SNX29: variants seen among roughly 807,000 people sequenced by gnomAD.
The protein encoded by SNX29 is sorting nexin-29.
In SNX29, 78 loss-of-function variants were observed where a neutral mutation model predicts 102.1. The ratio of observed to expected loss-of-function variants is 0.76; its 90% confidence interval spans 0.64 to 0.92. The LOEUF (loss-of-function observed/expected upper bound fraction) is 0.92. Among genes scored for constraint, SNX29 ranks in the 40% least tolerant of loss-of-function variants. SNX29 has a pLI of 0.00. For synonymous variants in SNX29, 580 were observed against 414.5 expected, an observed-to-expected ratio of 1.40 and a Z score of -4.85; for missense variants, 1,280 against 1,061.7, an observed-to-expected ratio of 1.21 and a Z score of -2.86.
intron 19 of SNX29, 25 bp from the exon 20 acceptor site, chr16:12,524,677 G>A (rs2151956797): frequency 6.2e-7 from 1 of 1,610,706 alleles, no homozygotes. Flanking sequence ...ACGTACCAAA[G>A]CGAAGATGTT....
intron 20 of SNX29, among the ~76,000 whole-genome samples, chr16:12,564,161 G>A (rs2078889154): frequency 6.6e-6 from 1 of 152,168 alleles, no homozygotes; most frequent in Non-Finnish European, 1.5e-5. Context: ...GCCTGAGGTA[G>A]AGGATTGCTT....
chr16:12,539,827 T>C (rs140124117), intron 20 of SNX29, among the ~76,000 whole-genome samples: 1 of 152,238 alleles, frequency 6.6e-6, no homozygotes, highest in African/African-American at 2.4e-5. Flanking sequence ...CTTTAACACA[T>C]CCTCTTTGGG....
chr16:12,031,511 T>TA (rs959182837), intron 4 of SNX29, among the ~76,000 whole-genome samples: 7 of 147,644 alleles, frequency 4.7e-5, no homozygotes, highest in Admixed American at 1.4e-4. Context: ...TATTCTCTCT[T>TA]AAAAAAAAAA....
chr16:12,080,933 C>T (rs1250594841), intron 11 of SNX29, among the ~76,000 whole-genome samples: 1 of 152,152 alleles, frequency 6.6e-6, no homozygotes, highest in Non-Finnish European at 1.5e-5. Context: ...CTGCCGGTCT[C>T]AGCCTCCCAA....
chr16:12,335,363 A>T (rs2081415331), intron 15 of SNX29, among the ~76,000 whole-genome samples: 1 of 152,082 alleles, frequency 6.6e-6, no homozygotes, highest in Non-Finnish European at 1.5e-5. Flanking sequence ...CAAATCAGTG[A>T]TGTTTAGTGG....
chr16:12,536,330 A>G (rs7189979), intron 20 of SNX29, among the ~76,000 whole-genome samples: 2 of 151,996 alleles, frequency 1.3e-5, no homozygotes, highest in Admixed American at 6.6e-5. Context: ...TTACTAATGC[A>G]GCAGGAAACA....
intron 13 of SNX29, among the ~76,000 whole-genome samples, chr16:12,155,406 TGA>T (rs1345138721): frequency 2.0e-5 from 3 of 152,234 alleles, no homozygotes; most frequent in African/African-American, 7.2e-5. Flanking sequence ...TTTCTCTTCT[TGA>T]GAGCACGGGG....
intron 19 of SNX29, among the ~76,000 whole-genome samples, chr16:12,491,324 C>G (rs982165603): frequency 6.6e-6 from 1 of 152,206 alleles, no homozygotes; most frequent in Non-Finnish European, 1.5e-5. Flanking sequence ...TGCTTGTCAT[C>G]AACTTGCCTA....
At chr16:12,564,934 TAAAAAAAAA>T (rs6145751) in intron 20 of SNX29, among the ~76,000 whole-genome samples, 34,354 of 144,946 alleles carry the variant, frequency 0.24, 4,193 homozygotes, top group East Asian at 0.44. Context: ...ACCTTGGTGT[TAAAAAAAAA>T]AAAAAAAAGG....
intron 16 of SNX29, among the ~76,000 whole-genome samples, chr16:12,387,336 C>A (rs141372336): frequency 6.6e-6 from 1 of 152,040 alleles, no homozygotes; most frequent in Non-Finnish European, 1.5e-5. Context: ...CCCCATTCTT[C>A]CCAGGGCTGC....
intron 14 of SNX29, among the ~76,000 whole-genome samples, chr16:12,205,599 G>A (rs1017908112): frequency 2.0e-5 from 3 of 152,152 alleles, no homozygotes; most frequent in African/African-American, 4.8e-5. Context: ...ATGCAGGGAC[G>A]CTCTTCCCTG....
At chr16:12,417,511 C>G (rs1003066171) in intron 18 of SNX29, among the ~76,000 whole-genome samples, 13 of 152,112 alleles carry the variant, frequency 8.5e-5, no homozygotes, top group Admixed American at 4.6e-4. Context: ...CTTTGCTCCC[C>G]GCTTTGCACA....
At chr16:12,542,974 T>G (rs563561954) in intron 20 of SNX29, among the ~76,000 whole-genome samples, 2 of 152,134 alleles carry the variant, frequency 1.3e-5, no homozygotes, top group African/African-American at 2.4e-5. Context: ...AAGTACTTAC[T>G]ACTCCTGTAA....
chr16:12,496,477 C>T lies in SNX29; in HGVS notation c.2178+18618C>T, dbSNP rs551207431. Among the ~76,000 whole-genome samples, 7 of 149,854 alleles carry T rather than the reference C, an allele frequency of 4.7e-5. No homozygotes were observed. The East Asian group carries it at 1.4e-3, about 29-fold the overall frequency. Reference sequence around the variant, plus strand: ...CATGGTCCCAAGTCACCAGCCTGCCCTGCTTCTCACACCTCCTTGGCTCTC... The same window carrying T: ...CATGGTCCCAAGTCACCAGCCTGCCTTGCTTCTCACACCTCCTTGGCTCTC... On this transcript the variant is annotated intron_variant, in intron 19 of 20. Transcript: ENST00000566228.
At chr16:12,561,117 C>T in intron 20 of SNX29, 1 of 227,762 alleles carries the variant, frequency 4.4e-6, no homozygotes, top group East Asian at 6.3e-5. Flanking sequence ...ACGGGGCACC[C>T]ATCACGCAGT....
At chr16:12,467,623 A>AGTTC (rs958114572) in intron 18 of SNX29, among the ~76,000 whole-genome samples, 1,684 of 150,298 alleles carry the variant, frequency 0.011, 17 homozygotes, top group African/African-American at 0.024. Flanking sequence ...TTCGTTCGTT[A>AGTTC]GTTCGTTCGT....
intron 16 of SNX29, among the ~76,000 whole-genome samples, chr16:12,394,562 T>C (rs1023548054): frequency 5.3e-5 from 8 of 152,250 alleles, no homozygotes; most frequent in African/African-American, 9.6e-5. Context: ...GGGTGGTTCT[T>C]TTACGTCATG....
At chr16:11,995,224 C>T (rs949242399) in intron 1 of SNX29, among the ~76,000 whole-genome samples, 1 of 152,170 alleles carries the variant, frequency 6.6e-6, no homozygotes, top group Non-Finnish European at 1.5e-5. Flanking sequence ...CGTCACCACA[C>T]CTGGCTAATT....
At chr16:12,495,423 C>T (rs2088773305) in intron 19 of SNX29, among the ~76,000 whole-genome samples, 1 of 152,282 alleles carries the variant, frequency 6.6e-6, no homozygotes, top group South Asian at 2.1e-4. Context: ...GCTGGGATTA[C>T]AGGTGTGAGC....
Sources: gnomAD v4.1 joint callset for allele counts (sites outside exome capture counted in the v4.1 genomes callset) on GRCh38, gnomAD v4.1.1 for gene constraint, MANE v1.5 for transcripts, NCBI Gene and HGNC (gene_info 2026-07-23, HGNC 2026-07-21) for gene names.